The following PLD5 variants were observed in gnomAD, a reference collection of about 807,000 sequenced individuals.
The protein encoded by PLD5 is phospholipase D family member 5, also known as inactive phospholipase D5.
PLD5 carries 36 observed loss-of-function variants against 61.1 expected under a neutral mutation model. The ratio of observed to expected loss-of-function variants is 0.59; its 90% CI spans 0.45 to 0.78. The LOEUF (loss-of-function observed/expected upper bound fraction) is 0.78, where lower values mean the gene tolerates loss of function less well. Among genes scored for constraint, PLD5 ranks in the 30% least tolerant of loss-of-function variants. The probability of loss-of-function intolerance (pLI) is 0.00; values close to 1 mark genes in which losing one functional copy is unlikely to be tolerated. For missense variants in PLD5, 515 were observed against 644.4 expected (o/e 0.80, Z 2.17); for synonymous variants, 243 against 242.8 (o/e 1.00, Z -0.01).
intron 4 of PLD5, among the ~76,000 whole-genome samples, chr1:242,228,926 A>G (rs1671122752): frequency 6.6e-6 from 1 of 152,206 alleles, no homozygotes; most frequent in South Asian, 2.1e-4. Flanking sequence ...CTTGTTTCAG[A>G]AGGATTTTCC....
At chr1:242,213,193 G>A (rs896566073) in intron 5 of PLD5, among the ~76,000 whole-genome samples, 3 of 152,088 alleles carry the variant, frequency 2.0e-5, no homozygotes, top group Admixed American at 6.5e-5. Context: ...TAGCAGAACA[G>A]GACAGAAAAA....
chr1:242,370,461 A>G (rs1330287611), intron 1 of PLD5, among the ~76,000 whole-genome samples: 2 of 152,086 alleles, frequency 1.3e-5, no homozygotes, highest in Non-Finnish European at 2.9e-5. Flanking sequence ...ATGCAGACAG[A>G]ATAGATGTGC....
intron 2 of PLD5, among the ~76,000 whole-genome samples, chr1:242,304,203 T>C (rs1030647711): frequency 6.6e-6 from 1 of 152,206 alleles, no homozygotes; most frequent in African/African-American, 2.4e-5. Flanking sequence ...CAAAAAATGA[T>C]GTTCAAAAGC....
At chr1:242,499,315 T>G (rs918746907) in intron 1 of PLD5, among the ~76,000 whole-genome samples, 1 of 152,146 alleles carries the variant, frequency 6.6e-6, no homozygotes, top group Non-Finnish European at 1.5e-5. Flanking sequence ...GAAATAAAAA[T>G]TGGCAGAAAG....
intron 1 of PLD5, among the ~76,000 whole-genome samples, chr1:242,422,508 T>G (rs1665200361): frequency 6.6e-6 from 1 of 152,242 alleles, no homozygotes; most frequent in South Asian, 2.1e-4. Flanking sequence ...TTATGTGACC[T>G]ACATACTAGC....
At chr1:242,372,481 C>T (rs1661692407) in intron 1 of PLD5, among the ~76,000 whole-genome samples, 1 of 152,172 alleles carries the variant, frequency 6.6e-6, no homozygotes, top group African/African-American at 2.4e-5. Flanking sequence ...GCCCGCATTG[C>T]CAAGTCAATC....
intron 9 of PLD5, among the ~76,000 whole-genome samples, chr1:242,091,298 C>G (rs1454134933): frequency 2.0e-5 from 3 of 152,140 alleles, no homozygotes; most frequent in Non-Finnish European, 2.9e-5. Context: ...AAGGAGTAAG[C>G]CTGGGATCTG....
At chr1:242,379,713 G>A (rs866077710) in intron 1 of PLD5, among the ~76,000 whole-genome samples, 2 of 152,158 alleles carry the variant, frequency 1.3e-5, no homozygotes, top group Middle Eastern at 3.4e-3. Flanking sequence ...TTTCTGACAG[G>A]TTGACCTCTT....
intron 1 of PLD5, among the ~76,000 whole-genome samples, chr1:242,483,931 A>C (rs1182148131): frequency 1.3e-5 from 2 of 151,844 alleles, no homozygotes; most frequent in Admixed American, 6.5e-5. Flanking sequence ...AACTACATGG[A>C]AACTGGACAA....
Position 242,348,106 on chromosome 1 carries a change from C to T in PLD5, c.326G>A (p.Arg109Gln), listed in dbSNP as rs749531675. Residue 109 changes from arginine to glutamine, a missense_variant and splice_region_variant, in exon 2 of 10, where the codon CGA (arginine) becomes CAA (glutamine). Transcript: ENST00000536534. ...LSEKNCQNKCRIALVENIPEG... is the reference protein window; with the variant it reads ...LSEKNCQNKCQIALVENIPEG... ...AGAATTTTTGTTTGTTACCTCTTAC[C>T]GACATTTATTTTGGCAATTTTTTTC... 6.2e-6 allele frequency: 10 copies of T among 1,612,526 alleles called. No individual in the cohort carries two copies. The highest frequency in any genetic ancestry group is 1.1e-5 in the South Asian group (1 of 90,766).
intron 4 of PLD5, among the ~76,000 whole-genome samples, chr1:242,257,111 TCTAA>T (rs531200680): frequency 3.0e-3 from 452 of 152,062 alleles, no homozygotes; most frequent in Non-Finnish European, 3.6e-3. Flanking sequence ...CTATCTGTCA[TCTAA>T]CTATCTACCT....
intron 3 of PLD5, among the ~76,000 whole-genome samples, chr1:242,268,934 C>A (rs932399452): frequency 7.2e-5 from 11 of 152,096 alleles, no homozygotes; most frequent in African/African-American, 2.7e-4. Flanking sequence ...CCTCTGCCTC[C>A]TGGGTTCAAG....
intron 1 of PLD5, among the ~76,000 whole-genome samples, chr1:242,395,261 C>T (rs551372219): frequency 6.6e-6 from 1 of 151,958 alleles, no homozygotes; most frequent in Non-Finnish European, 1.5e-5. Flanking sequence ...TGATGTGCAA[C>T]TTGACACTTA....
chr1:242,145,616 TGGA>T (rs1424690096), intron 5 of PLD5, among the ~76,000 whole-genome samples: 2 of 152,072 alleles, frequency 1.3e-5, no homozygotes, highest in African/African-American at 4.8e-5. Context: ...TTTTTAAAAA[TGGA>T]GGACAATTTC....
At chr1:242,487,738 A>G (rs1668009826) in intron 1 of PLD5, among the ~76,000 whole-genome samples, 1 of 152,204 alleles carries the variant, frequency 6.6e-6, no homozygotes, top group Non-Finnish European at 1.5e-5. Context: ...ATCTGAACAG[A>G]TACCTCACTA....
At position 242,107,738 on chromosome 1, in the gene PLD5, A is replaced by C. The variant is rs996589776; in HGVS notation, c.1172T>G (p.Leu391Arg). The C allele has an allele frequency of 6.2e-7, 1 of 1,611,724 alleles. No homozygotes were observed. The highest frequency in any genetic ancestry group is 8.5e-7 in the Non-Finnish European group (1 of 1,179,532). The change falls in exon 8 of 10, where the codon CTT becomes CGT. Residue 391 changes from leucine to arginine, a missense_variant. This residue lies in a region of PLD5 where 450 missense variants were observed against 598.1 expected (regional missense o/e 0.75). Coordinates refer to ENST00000536534, the MANE Select transcript of PLD5 (RefSeq NM_001372062.1). ...AAGAGATGAAATAAAGTTAAACGTA[A>C]GGGGATCAGTTTCCTTCCAGAAGCT... is the stretch of plus-strand genomic sequence containing the variant. Reference protein sequence around the residue: ...LLSFWKETDPLTFNFISSLKA... With the variant: ...LLSFWKETDPRTFNFISSLKA...
At chr1:242,227,941 T>G (rs1287190187) in intron 4 of PLD5, among the ~76,000 whole-genome samples, 1 of 152,218 alleles carries the variant, frequency 6.6e-6, no homozygotes, top group Non-Finnish European at 1.5e-5. Context: ...CATGTAAAAT[T>G]GCTAAAGAAT....
At position 242,128,715 on chromosome 1, in the gene PLD5, G is replaced by T. The variant is rs148593981; in HGVS notation, c.736-4050C>A. Among the ~76,000 whole-genome samples the T allele has an allele frequency of 1.1e-3, 165 of 152,154 alleles. 1 individual carries two copies. The highest frequency in any genetic ancestry group is 3.8e-3 in the African/African-American group (156 of 41,524). ...ACTCTGATAGCTCCTCCCTGCCCAG[G>T]GAGCACAGAAACTAGAGAGAGACCA... is the stretch of plus-strand genomic sequence containing the variant. On this transcript the variant is annotated intron_variant, in intron 5 of 9. Coordinates refer to ENST00000536534, the MANE Select transcript of PLD5 (RefSeq NM_001372062.1).
At chr1:242,455,568 A>G (rs2654867) in intron 1 of PLD5, among the ~76,000 whole-genome samples, 26,740 of 152,192 alleles carry the variant, frequency 0.18, 2,748 homozygotes, top group South Asian at 0.31. Flanking sequence ...GTTCAGTTCT[A>G]ATTTGCCTCT....
Sources: gnomAD v4.1 joint callset for allele counts (sites outside exome capture counted in the v4.1 genomes callset) on GRCh38, gnomAD v4.1.1 for gene constraint, gnomAD v4.1.1 regional missense constraint, MANE v1.5 for transcripts, NCBI Gene and HGNC (gene_info 2026-07-23, HGNC 2026-07-21) for gene names.